The following ACVR1 variants were observed in gnomAD, a reference collection of about 807,000 sequenced individuals.
ACVR1 encodes activin receptor type-1.
ACVR1 carries 38 observed loss-of-function variants against 57.1 expected under a neutral mutation model. The ratio of observed to expected loss-of-function variants is 0.67; its 90% confidence interval spans 0.51 to 0.87. The LOEUF (loss-of-function observed/expected upper bound fraction) is 0.87. Among genes scored for constraint, ACVR1 ranks in the 40% least tolerant of loss-of-function variants. The pLI, the probability that ACVR1 is intolerant of heterozygous loss-of-function variation, is 0.00. For synonymous variants in ACVR1, 212 were observed against 228.1 expected, an observed-to-expected ratio of 0.93 and a Z score of 0.63; for missense variants, 463 against 638.2, an observed-to-expected ratio of 0.73 and a Z score of 2.96.
chr2:157,749,799 C>A (rs1331636091), intron 9 of ACVR1, among the ~76,000 whole-genome samples: 1 of 152,232 alleles, frequency 6.6e-6, no homozygotes, highest in African/African-American at 2.4e-5. Flanking sequence ...CCAAGAGTCA[C>A]CACTTGCAGT....
rs771363719 is a variant in ACVR1 at position 157,778,220 on chromosome 2, G to A, written c.454C>T (p.Arg152Cys). ...CGGGGATTGAGGCGTTCTTGGTTGC[G>A]CCTTTTAAATTTTCGGAGAGCAACT... ...LGVALRKFKR[R>C]NQERLNPRDV... The change falls in exon 5 of 11, where the codon CGC becomes TGC. Residue 152 changes from arginine to cysteine, a missense_variant. Arg to Cys is a radical substitution (Grantham distance 180). Around this residue, in one of 3 missense-constraint regions of ACVR1, gnomAD observed 203 missense variants for 235.5 expected, o/e 0.86. Coordinates refer to ENST00000434821, the MANE Select transcript of ACVR1 (RefSeq NM_001111067.4). 13 of 1,613,882 alleles carry A rather than the reference G, an allele frequency of 8.1e-6. No homozygotes were observed. The highest frequency in any genetic ancestry group is 5.3e-5 in the African/African-American group (4 of 74,852).
chr2:157,795,608 A>G (rs1262222757), intron 3 of ACVR1, among the ~76,000 whole-genome samples: 2 of 152,168 alleles, frequency 1.3e-5, no homozygotes, highest in Non-Finnish European at 2.9e-5. Context: ...GTGGTGGTAT[A>G]TTAAATAGCA....
At chr2:157,864,595 A>G (rs1689849136) in intron 1 of ACVR1, among the ~76,000 whole-genome samples, 1 of 152,214 alleles carries the variant, frequency 6.6e-6, no homozygotes, top group East Asian at 1.9e-4. Flanking sequence ...TTTGACAATC[A>G]GCAGGAAATC....
intron 2 of ACVR1, among the ~76,000 whole-genome samples, chr2:157,806,013 A>T (rs759322898): frequency 4.0e-5 from 6 of 151,388 alleles, no homozygotes; most frequent in Non-Finnish European, 7.4e-5. Flanking sequence ...TTTTTGGTAG[A>T]GGTGGGGTTT....
Position 157,827,850 on chromosome 2 carries a change from T to C in ACVR1, c.-182-9291A>G, listed in dbSNP as rs541812062. Among the ~76,000 whole-genome samples, 40 of 152,286 alleles carry C rather than the reference T, an allele frequency of 2.6e-4. 1 individual carries two copies. In the East Asian group the frequency reaches 4.4e-3, roughly 17 times the overall value. ...CTGCTGTGTGACACTCAGAAGTCACTAACCCTTCTCACTCACCCTTCTCTG... is the reference window on the plus strand; with the variant it reads ...CTGCTGTGTGACACTCAGAAGTCACCAACCCTTCTCACTCACCCTTCTCTG... On this transcript the variant is annotated intron_variant, in intron 1 of 10. Coordinates refer to ENST00000434821, the MANE Select transcript of ACVR1 (RefSeq NM_001111067.4).
At chr2:157,751,272 G>C (rs1433505508) in intron 9 of ACVR1, among the ~76,000 whole-genome samples, 1 of 152,218 alleles carries the variant, frequency 6.6e-6, no homozygotes, top group Non-Finnish European at 1.5e-5. Flanking sequence ...TGAAATACAG[G>C]GGCACAGGAA....
chr2:157,756,350 C>A (rs1685426027), intron 9 of ACVR1, among the ~76,000 whole-genome samples: 1 of 152,056 alleles, frequency 6.6e-6, no homozygotes. Context: ...GCAAAAGGAA[C>A]AGTCAGCAGG....
At chr2:157,820,647 C>A (rs1031727526) in intron 1 of ACVR1, among the ~76,000 whole-genome samples, 2 of 151,876 alleles carry the variant, frequency 1.3e-5, no homozygotes, top group Non-Finnish European at 2.9e-5. Flanking sequence ...ATCTTCACTG[C>A]ATGGAACTCC....
chr2:157,805,802 G>T (rs1236392351), intron 2 of ACVR1, among the ~76,000 whole-genome samples: 15 of 131,580 alleles, frequency 1.1e-4, no homozygotes, highest in African/African-American at 3.9e-4. Context: ...GTTTGTTTGG[G>T]TTTTTTTTTT....
At chr2:157,743,398 C>A (rs1684850937) in intron 9 of ACVR1, among the ~76,000 whole-genome samples, 1 of 152,084 alleles carries the variant, frequency 6.6e-6, no homozygotes, top group African/African-American at 2.4e-5. Flanking sequence ...GACTCTTCAA[C>A]AAGAATGTGA....
At chr2:157,772,567 T>C (rs577400818) in intron 6 of ACVR1, among the ~76,000 whole-genome samples, 40 of 152,346 alleles carry the variant, frequency 2.6e-4, no homozygotes, top group Non-Finnish European at 4.9e-4. Flanking sequence ...AAAGGTGCAT[T>C]ACTATTTTGC....
intron 2 of ACVR1, among the ~76,000 whole-genome samples, chr2:157,800,515 C>T (rs549221675): frequency 4.6e-5 from 7 of 151,982 alleles, no homozygotes; most frequent in African/African-American, 1.7e-4. Context: ...TTTTGGCTGG[C>T]GGTCTGTTTA....
intron 1 of ACVR1, among the ~76,000 whole-genome samples, chr2:157,865,837 T>TAGAC (rs1412789708): frequency 6.8e-6 from 1 of 146,148 alleles, no homozygotes. Context: ...GATAGATAGA[T>TAGAC]AGATAGATAG....
chr2:157,755,841 G>C (rs1407548161), intron 9 of ACVR1, among the ~76,000 whole-genome samples: 1 of 151,924 alleles, frequency 6.6e-6, no homozygotes, highest in African/African-American at 2.4e-5. Context: ...AACCAAAAAA[G>C]AGCCTGCATA....
chr2:157,853,165 C>CA (rs1346704382), intron 1 of ACVR1, among the ~76,000 whole-genome samples: 1 of 152,018 alleles, frequency 6.6e-6, no homozygotes, highest in Non-Finnish European at 1.5e-5. Context: ...CACAATTACC[C>CA]AAAAAATAAA....
chr2:157,798,554 A>G (rs1223377368), intron 3 of ACVR1, among the ~76,000 whole-genome samples: 1 of 148,990 alleles, frequency 6.7e-6, no homozygotes, highest in Non-Finnish European at 1.5e-5. Context: ...TTGAGATGGA[A>G]TCTTGCTCTG....
chr2:157,760,866 G>T lies in ACVR1; in HGVS notation c.1264+14C>A. 1.9e-6 allele frequency: 3 copies of T among 1,613,144 alleles called. No homozygotes were observed. Among genetic ancestry groups the T allele is most frequent in the Non-Finnish European group, 2.5e-6 (3 of 1,179,288 alleles). ...CTTGGATTAAGACAATATTATATTA[G>T]ATTAGATACCTACCATTGCTCACCA... On this transcript the variant is annotated intron_variant, in intron 9 of 10. Coordinates refer to ENST00000434821, the MANE Select transcript of ACVR1 (RefSeq NM_001111067.4).
chr2:157,774,652 C>T (rs906961585), intron 5 of ACVR1, among the ~76,000 whole-genome samples: 1 of 152,224 alleles, frequency 6.6e-6, no homozygotes, highest in Non-Finnish European at 1.5e-5. Flanking sequence ...GCATGAGCCA[C>T]CACGCCTGGC....
chr2:157,863,720 G>A (rs1173589397), intron 1 of ACVR1, among the ~76,000 whole-genome samples: 1 of 151,814 alleles, frequency 6.6e-6, no homozygotes, highest in African/African-American at 2.4e-5. Flanking sequence ...AAAAGAGAGA[G>A]AGAAAGATTT....
Sources: allele counts gnomAD v4.1 joint callset (sites outside exome capture counted in the v4.1 genomes callset), GRCh38; gene constraint gnomAD v4.1.1; regional missense constraint gnomAD v4.1.1; transcripts MANE v1.5; gene names NCBI Gene and HGNC (gene_info 2026-07-23, HGNC 2026-07-21).